Variants in DHX16 observed in about 807,000 individuals in gnomAD.
DHX16 encodes pre-mRNA-splicing factor ATP-dependent RNA helicase DHX16.
DHX16 carries 81 observed loss-of-function variants against 131.2 expected under a neutral mutation model. The ratio of observed to expected loss-of-function variants is 0.62; its 90% CI spans 0.52 to 0.74. The LOEUF (loss-of-function observed/expected upper bound fraction) is 0.74, where lower values mean the gene tolerates loss of function less well. DHX16 is among the 30% of genes least tolerant of loss of function. The pLI, the probability that DHX16 is intolerant of heterozygous loss-of-function variation, is 0.00. For synonymous variants in DHX16, 440 were observed against 520.2 expected, an observed-to-expected ratio of 0.85 and a Z score of 2.10; for missense variants, 980 against 1,363.1, an observed-to-expected ratio of 0.72 and a Z score of 4.43.
In DHX16 at chr6:30,653,256, C is replaced by T; in HGVS notation, c.3112G>A (p.Glu1038Lys). ...ACGTCCTTCTCTTACCCTAGCTCTT[C>T]TCGTGTTTTGCCTATTTTTTTGGGC... ...KMPKKIGKTR[E>K]ELG The change falls in exon 20 of 20, where the codon GAA becomes AAA. Residue 1038 changes from glutamate (E) to lysine (K), a missense_variant. By Grantham distance (56) the Glu-to-Lys change is moderately conservative (BLOSUM62 1). Around this residue, in one of 3 missense-constraint regions of DHX16, gnomAD observed 214 missense variants for 271.2 expected, o/e 0.79. Coordinates refer to ENST00000376442, the MANE Select transcript of DHX16 (RefSeq NM_003587.5). The T allele has an allele frequency of 1.2e-6, 2 of 1,612,944 alleles. No homozygotes were observed.
chr6:30,657,878 A>ATGC (rs1438786143), intron 12 of DHX16, among the ~76,000 whole-genome samples: 4 of 152,130 alleles, frequency 2.6e-5, no homozygotes, highest in Admixed American at 6.6e-5. Context: ...CCATCCTACT[A>ATGC]TGCTGCCTTG....
Position 30,672,540 on chromosome 6 carries a change from G to A in DHX16, c.207+95C>T. On this transcript the variant is annotated intron_variant, in intron 1 of 19. Coordinates refer to ENST00000376442, the MANE Select transcript of DHX16 (RefSeq NM_003587.5). ...CTACGCGACAACGGACAAAGAATAA[G>A]TGCTTGTGAACTGAGCTTTCTTAAC... 6 of 1,147,486 alleles carry A rather than the reference G, an allele frequency of 5.2e-6. No individual in the cohort carries two copies. The South Asian group carries it at 7.0e-5, about 13-fold the overall frequency. The allele number at this position is 1,147,486 out of a possible 1,614,324, so 71.1% of individuals were successfully genotyped here. A position where few individuals can be genotyped will look rare whatever the true frequency, so the allele number is the denominator to read the frequency against.
chr6:30,653,494 G>T (rs964745773), intron 19 of DHX16, 124 bp from the exon 20 acceptor site: 42 of 1,117,316 alleles, frequency 3.8e-5, no homozygotes, highest in Non-Finnish European at 4.9e-5. Context: ...CTGCAGTGGC[G>T]TATCATGGCT....
In DHX16 at chr6:30,656,068, T is replaced by G; in HGVS notation, c.2498+130A>C. Reference sequence around the variant, plus strand: ...GGGCCTCAAAAGGGGGCAATCAGAGTTATCTAATACTTTATTATGTGTTAA... The same window carrying G: ...GGGCCTCAAAAGGGGGCAATCAGAGGTATCTAATACTTTATTATGTGTTAA... On this transcript the variant is annotated intron_variant, in intron 16 of 19. Coordinates refer to ENST00000376442, the MANE Select transcript of DHX16 (RefSeq NM_003587.5). The surrounding 1 kb of genome is among the most constrained non-coding windows in gnomAD (Gnocchi z 5.1). 3 of 907,960 alleles carry G rather than the reference T, an allele frequency of 3.3e-6. 1 individual carries two copies. The South Asian group carries it at 4.4e-5, about 13-fold the overall frequency. The allele number at this position is 907,960 out of a possible 1,614,324, so 56.2% of individuals were successfully genotyped here. A position where few individuals can be genotyped will look rare whatever the true frequency, so the allele number is the denominator to read the frequency against.
chr6:30,670,816 T>A lies in DHX16; in HGVS notation c.583A>T (p.Asn195Tyr). Residue 195 changes from asparagine to tyrosine, a missense_variant, in exon 3 of 20, where the codon AAT becomes TAT. Transcript: ENST00000376442. This position sits in a 1 kb window ranked among gnomAD's most constrained non-coding sequence, Gnocchi z 4.4. The stretch of plus-strand genomic sequence containing the variant: ...TTCTTGTCTGACCGTTCCAGGACAT[T>A]TCGAGTCCGATCCTTGTCCCGCTGT... Reference protein sequence around the residue: ...VRQRDKDRTRNVLERSDKKAY... With the variant: ...VRQRDKDRTRYVLERSDKKAY... The A allele has an allele frequency of 6.2e-7, 1 of 1,613,022 alleles. No individual in the cohort carries two copies. The highest frequency in any genetic ancestry group is 8.5e-7 in the Non-Finnish European group (1 of 1,180,028).
intron 9 of DHX16, chr6:30,661,782 C>T: frequency 1.4e-6 from 1 of 717,814 alleles, no homozygotes; most frequent in Non-Finnish European, 2.6e-6. Flanking sequence ...AAGTCCCCAG[C>T]CATTCCACAA....
intron 7 of DHX16, 57 bp from the exon 8 acceptor site, chr6:30,663,078 C>A: frequency 7.5e-7 from 1 of 1,341,328 alleles, no homozygotes; most frequent in Non-Finnish European, 1.0e-6. Context: ...CACCCTGGGA[C>A]CAGGTACATT....
At chr6:30,653,616 T>TCTTGGCCTCCCAAAGTGCTAGGACCCTGC (rs140329547) in intron 19 of DHX16, among the ~76,000 whole-genome samples, 1 of 150,258 alleles carries the variant, frequency 6.7e-6, no homozygotes, top group African/African-American at 2.5e-5. Context: ...CCTGGGCTGA[T>TCTTGGCCTCCCAAAGTGCTAGGACCCTGC]CTTGGCCTCC....
rs1472833232 is a variant in DHX16, at chr6:30,670,333, C to G, written c.666+77G>C. ...CATCCACACTGTGCTTCCTCTGTAT[C>G]CTCTCTCCCTATACACTCTATCAGA... On this transcript the variant is annotated intron_variant, in intron 4 of 19. Transcript: ENST00000376442. This position sits in a 1 kb window ranked among gnomAD's most constrained non-coding sequence, Gnocchi z 4.4. The G allele has an allele frequency of 4.9e-6, 7 of 1,423,594 alleles. No homozygotes were observed. The highest frequency in any genetic ancestry group is 5.8e-6 in the Non-Finnish European group (6 of 1,042,486). The allele number at this position is 1,423,594 out of a possible 1,614,324, so 88.2% of individuals were successfully genotyped here.
chr6:30,659,701 GA>G (rs753840048), intron 11 of DHX16, 34 bp downstream of exon 11: 1 of 1,613,080 alleles, frequency 6.2e-7, no homozygotes, highest in South Asian at 1.1e-5. Context: ...CTTCCCCTGG[GA>G]TACATCATCC....
chr6:30,660,971 C>T (rs1394244579), intron 9 of DHX16, among the ~76,000 whole-genome samples: 1 of 151,900 alleles, frequency 6.6e-6, no homozygotes, highest in East Asian at 2.0e-4. Context: ...GATCTCAGCT[C>T]ACTGCAAGCT....
intron 4 of DHX16, among the ~76,000 whole-genome samples, chr6:30,669,744 TAAA>T (rs953317689): frequency 4.4e-5 from 5 of 113,814 alleles, no homozygotes; most frequent in Non-Finnish European, 3.5e-5. Context: ...AAAAAAGGTT[TAAA>T]AAAAAAAAAA....
At chr6:30,661,023 A>C (rs1375075431) in intron 9 of DHX16, among the ~76,000 whole-genome samples, 1 of 146,086 alleles carries the variant, frequency 6.8e-6, no homozygotes, top group African/African-American at 2.6e-5. Flanking sequence ...TCAGCCTCCC[A>C]AGTAGCTGGG....
intron 10 of DHX16, 47 bp from the exon 11 acceptor site, chr6:30,659,881 G>A: frequency 6.3e-7 from 1 of 1,589,940 alleles, no homozygotes; most frequent in Non-Finnish European, 8.6e-7. Flanking sequence ...ACCTGCTTAG[G>A]CAAACCTTTC....
intron 9 of DHX16, chr6:30,661,955 G>C: frequency 1.4e-6 from 1 of 701,000 alleles, no homozygotes; most frequent in Non-Finnish European, 2.7e-6. Flanking sequence ...CACAGCCTCT[G>C]AAGAGTCAAA....
chr6:30,654,525 GGACAACAGAGTGA>G (rs1170798113), intron 19 of DHX16, among the ~76,000 whole-genome samples, 168 bp downstream of exon 19: 2 of 152,124 alleles, frequency 1.3e-5, no homozygotes, highest in Non-Finnish European at 2.9e-5. Context: ...ACTCCAGCCT[GGACAACAGAGTGA>G]GACTCCGTCT....
At chr6:30,672,577 C>T (rs1028842995) in intron 1 of DHX16, 58 bp downstream of exon 1, 4 of 1,474,678 alleles carry the variant, frequency 2.7e-6, no homozygotes, top group Non-Finnish European at 3.8e-6. Flanking sequence ...TCTCGATGGA[C>T]CGTTAGGCCA....
chr6:30,668,878 G>C (rs890220113), intron 4 of DHX16, among the ~76,000 whole-genome samples: 1 of 152,160 alleles, frequency 6.6e-6, no homozygotes, highest in African/African-American at 2.4e-5. Context: ...GGCCGAGGCA[G>C]GTGGATCACC....
chr6:30,661,843 G>A (rs754994347), intron 9 of DHX16: 10 of 717,872 alleles, frequency 1.4e-5, no homozygotes, highest in African/African-American at 1.2e-4. Flanking sequence ...CTCTTGCGCT[G>A]GCTGGCTCTC....
Sources: gnomAD v4.1 joint callset for allele counts (sites outside exome capture counted in the v4.1 genomes callset) on GRCh38, gnomAD v4.1.1 for gene constraint, gnomAD v4.1.1 regional missense constraint, Gnocchi (gnomAD v3.1) non-coding constraint, MANE v1.5 for transcripts, NCBI Gene and HGNC (gene_info 2026-07-23, HGNC 2026-07-21) for gene names.